The following DPYD variants were observed in gnomAD, a reference collection of about 807,000 sequenced individuals.
The protein encoded by DPYD is dihydropyrimidine dehydrogenase.
In DPYD, 109 loss-of-function variants were observed where a neutral mutation model predicts 116.2. The ratio of observed to expected loss-of-function variants is 0.94; its 90% CI spans 0.80 to 1.10. The LOEUF is 1.10. Ranked by LOEUF, DPYD falls within the 50% of genes least tolerant of loss-of-function variation. The pLI, the probability that DPYD is intolerant of heterozygous loss-of-function variation, is 0.00. For missense variants in DPYD, 1,302 were observed against 1,254.5 expected, an observed-to-expected ratio of 1.04 and a Z score of -0.57; for synonymous variants, 440 against 432.0, an observed-to-expected ratio of 1.02 and a Z score of -0.23.
At chr1:97,523,792 T>C (rs1648858924) in intron 12 of DPYD, among the ~76,000 whole-genome samples, 1 of 152,104 alleles carries the variant, frequency 6.6e-6, no homozygotes, top group South Asian at 2.1e-4. Context: ...CCTGTTGTCC[T>C]CTCCACTAAA....
At chr1:97,612,048 G>A (rs1339920129) in intron 8 of DPYD, among the ~76,000 whole-genome samples, 1 of 151,968 alleles carries the variant, frequency 6.6e-6, no homozygotes, top group African/African-American at 2.4e-5. Context: ...TGTAATCTGG[G>A]ACATAATGAC....
At chr1:97,325,342 A>G (rs1323423660) in intron 16 of DPYD, among the ~76,000 whole-genome samples, 1 of 152,014 alleles carries the variant, frequency 6.6e-6, no homozygotes, top group African/African-American at 2.4e-5. Context: ...TACCTTTCAA[A>G]TTGCTACTAT....
chr1:97,661,709 T>G (rs2100868937), intron 8 of DPYD, among the ~76,000 whole-genome samples: 1 of 152,260 alleles, frequency 6.6e-6, no homozygotes, highest in South Asian at 2.1e-4. Context: ...GGGAATGAAT[T>G]TACATATCAC....
At chr1:97,428,035 T>A (rs1030779469) in intron 14 of DPYD, among the ~76,000 whole-genome samples, 1 of 152,274 alleles carries the variant, frequency 6.6e-6, no homozygotes, top group African/African-American at 2.4e-5. Flanking sequence ...CTTTTTCTTC[T>A]ACTATTCAAT....
intron 9 of DPYD, 94 bp from the exon 10 acceptor site, chr1:97,593,481 G>C (rs1410930095): frequency 2.1e-6 from 3 of 1,439,010 alleles, no homozygotes; most frequent in Non-Finnish European, 2.9e-6. Context: ...GTGTAAAATT[G>C]CATCTTGCAG....
intron 3 of DPYD, among the ~76,000 whole-genome samples, chr1:97,757,450 G>A (rs535073451): frequency 6.6e-6 from 1 of 152,266 alleles, no homozygotes; most frequent in South Asian, 2.1e-4. Context: ...CAGGGAGGCT[G>A]ATGAGGGCAA....
At chr1:97,544,331 T>C (rs913019989) in intron 12 of DPYD, among the ~76,000 whole-genome samples, 1 of 152,188 alleles carries the variant, frequency 6.6e-6, no homozygotes, top group Non-Finnish European at 1.5e-5. Context: ...ATGTTGATTT[T>C]ACTTGACAGA....
intron 18 of DPYD, among the ~76,000 whole-genome samples, chr1:97,264,162 GTTTTTTTTTTTTTTTT>G (rs71071641): frequency 2.2e-4 from 13 of 60,088 alleles, no homozygotes; most frequent in South Asian, 5.8e-4. Flanking sequence ...GCAAAATTCT[GTTTTTTTTTTTTTTTT>G]TTTTTTTTTT....
At chr1:97,676,490 A>T (rs1165778471) in intron 8 of DPYD, among the ~76,000 whole-genome samples, 1 of 152,208 alleles carries the variant, frequency 6.6e-6, no homozygotes, top group Admixed American at 6.5e-5. Flanking sequence ...ACATTGTTAC[A>T]TGAGAAAGAA....
intron 12 of DPYD, among the ~76,000 whole-genome samples, chr1:97,516,882 A>G (rs1033942533): frequency 6.6e-6 from 1 of 152,078 alleles, no homozygotes; most frequent in Non-Finnish European, 1.5e-5. Flanking sequence ...TGGAAAATAT[A>G]AAAAGGATGA....
intron 16 of DPYD, among the ~76,000 whole-genome samples, chr1:97,365,935 T>C (rs931640770): frequency 2.0e-5 from 3 of 152,306 alleles, no homozygotes; most frequent in Admixed American, 6.5e-5. Context: ...GCCTGGCCTA[T>C]ATATAATGTT....
At chr1:97,728,339 G>C (rs954851231) in intron 4 of DPYD, among the ~76,000 whole-genome samples, 4 of 151,960 alleles carry the variant, frequency 2.6e-5, no homozygotes, top group African/African-American at 9.7e-5. Flanking sequence ...ACTTAGGTGA[G>C]TTAATTTTAA....
chr1:97,300,729 G>A (rs189511229), intron 18 of DPYD, among the ~76,000 whole-genome samples: 215 of 152,126 alleles, frequency 1.4e-3, no homozygotes, highest in African/African-American at 2.1e-3. Context: ...TTGTGTTTAC[G>A]TAATGCCCAG....
intron 8 of DPYD, among the ~76,000 whole-genome samples, chr1:97,660,484 A>G (rs142415979): frequency 5.3e-5 from 8 of 152,236 alleles, no homozygotes; most frequent in Admixed American, 1.3e-4. Context: ...TAGTATTAAG[A>G]CCCATCATAA....
intron 2 of DPYD, among the ~76,000 whole-genome samples, chr1:97,836,161 G>C (rs1000768156): frequency 1.2e-4 from 19 of 152,252 alleles, no homozygotes; most frequent in African/African-American, 4.1e-4. Flanking sequence ...TTGGTATCAG[G>C]GATGGGGTGC....
chr1:97,552,403 A>AT (rs1383313449), intron 11 of DPYD, among the ~76,000 whole-genome samples: 1 of 152,132 alleles, frequency 6.6e-6, no homozygotes, highest in Non-Finnish European at 1.5e-5. Context: ...AACTCGGTCC[A>AT]TAAGTAGTCA....
At chr1:97,379,182 G>A (rs1218186129) in intron 15 of DPYD, among the ~76,000 whole-genome samples, 3 of 152,170 alleles carry the variant, frequency 2.0e-5, no homozygotes. Flanking sequence ...GAAAAGCTCT[G>A]AGTTGGGAAC....
intron 13 of DPYD, among the ~76,000 whole-genome samples, chr1:97,485,541 T>C (rs1185740899): frequency 1.3e-5 from 2 of 152,162 alleles, no homozygotes; most frequent in African/African-American, 4.8e-5. Context: ...GTATTTTCCA[T>C]GTCATTTAAT....
chr1:97,476,843 A>C (rs980331937), intron 13 of DPYD, among the ~76,000 whole-genome samples: 4 of 152,214 alleles, frequency 2.6e-5, no homozygotes, highest in Non-Finnish European at 4.4e-5. Context: ...TGAATCACAC[A>C]ATTATTTTTT....
Sources: gnomAD v4.1 joint callset for allele counts (sites outside exome capture counted in the v4.1 genomes callset) on GRCh38, gnomAD v4.1.1 for gene constraint, MANE v1.5 for transcripts, NCBI Gene and HGNC (gene_info 2026-07-23, HGNC 2026-07-21) for gene names.